DPP10: variants seen among roughly 807,000 people sequenced by gnomAD.
DPP10 encodes dipeptidyl peptidase like 10, also known as inactive dipeptidyl peptidase 10.
In DPP10, 33 loss-of-function variants were observed where a neutral mutation model predicts 120.9. The ratio of observed to expected loss-of-function variants is 0.27; its 90% CI spans 0.21 to 0.37. DPP10 has a LOEUF of 0.37. Ranked by LOEUF, DPP10 falls within the 10% of genes least tolerant of loss-of-function variation. DPP10 has a pLI of 1.00. For synonymous variants in DPP10, 337 were observed against 326.1 expected (o/e 1.03, Z -0.36); for missense variants, 816 against 942.8 (o/e 0.87, Z 1.76).
chr2:115,367,301 G>T (rs1264499813), intron 3 of DPP10, among the ~76,000 whole-genome samples: 1 of 151,914 alleles, frequency 6.6e-6, no homozygotes, highest in Admixed American at 6.6e-5. Flanking sequence ...ACATAGCCTG[G>T]TGGTCCAAAT....
intron 2 of DPP10, chr2:115,342,243 G>A (rs2063485368): frequency 1.2e-5 from 5 of 432,578 alleles, no homozygotes; most frequent in Non-Finnish European, 2.3e-5. Flanking sequence ...CTGTCACCCA[G>A]GCTGGAGTAT....
chr2:115,021,272 G>C (rs1014755340), intron 1 of DPP10, among the ~76,000 whole-genome samples: 2 of 151,990 alleles, frequency 1.3e-5, no homozygotes, highest in Non-Finnish European at 2.9e-5. Flanking sequence ...GATTATTAGT[G>C]AGATTAACCA....
At chr2:115,779,035 A>C (rs1367852504) in intron 15 of DPP10, among the ~76,000 whole-genome samples, 3 of 152,114 alleles carry the variant, frequency 2.0e-5, no homozygotes, top group African/African-American at 7.2e-5. Flanking sequence ...GCTTAGAGAG[A>C]TAGAAACACT....
chr2:115,239,808 C>A (rs965331946), intron 1 of DPP10, among the ~76,000 whole-genome samples: 1 of 152,036 alleles, frequency 6.6e-6, no homozygotes, highest in African/African-American at 2.4e-5. Context: ...TGTGTCCATG[C>A]GTTCTCATTG....
chr2:115,389,747 GA>G (rs1437303436), intron 3 of DPP10, among the ~76,000 whole-genome samples: 5 of 152,104 alleles, frequency 3.3e-5, no homozygotes, highest in Non-Finnish European at 5.9e-5. Flanking sequence ...AAACTCTTGA[GA>G]ACATACTCAC....
At chr2:115,511,731 C>CTTTTTT (rs61236857) in intron 4 of DPP10, among the ~76,000 whole-genome samples, 6 of 82,608 alleles carry the variant, frequency 7.3e-5, no homozygotes, top group Admixed American at 2.8e-4. Flanking sequence ...TCTTCTTCTT[C>CTTTTTT]TTTTTTTTTT....
chr2:115,094,113 C>T (rs1025033135), intron 1 of DPP10, among the ~76,000 whole-genome samples: 3 of 151,858 alleles, frequency 2.0e-5, no homozygotes, highest in Non-Finnish European at 2.9e-5. Context: ...ATGTGAGTGA[C>T]GGAGTTCAAG....
intron 1 of DPP10, among the ~76,000 whole-genome samples, chr2:114,854,448 T>C (rs1272223273): frequency 6.6e-6 from 1 of 152,144 alleles, no homozygotes; most frequent in African/African-American, 2.4e-5. Context: ...CCTGAGACTA[T>C]CCACTTTATA....
chr2:114,805,036 A>G (rs914687873), intron 1 of DPP10, among the ~76,000 whole-genome samples: 5 of 152,092 alleles, frequency 3.3e-5, no homozygotes, highest in African/African-American at 9.7e-5. Flanking sequence ...TTCCCGTGCT[A>G]TTCTCATAAT....
intron 3 of DPP10, among the ~76,000 whole-genome samples, chr2:115,347,482 C>A (rs1057188384): frequency 1.3e-5 from 2 of 151,998 alleles, no homozygotes; most frequent in African/African-American, 2.4e-5. Flanking sequence ...ATGCTAGTTT[C>A]TTTTATTATT....
chr2:115,451,686 A>T (rs1443387730), intron 3 of DPP10, among the ~76,000 whole-genome samples: 2 of 151,982 alleles, frequency 1.3e-5, no homozygotes, highest in East Asian at 3.8e-4. Flanking sequence ...TCATTCAACA[A>T]TGTTTGCATG....
intron 1 of DPP10, among the ~76,000 whole-genome samples, chr2:115,221,557 T>G (rs2057160568): frequency 6.6e-6 from 1 of 152,148 alleles, no homozygotes; most frequent in African/African-American, 2.4e-5. Context: ...ATTTACTATC[T>G]GGCCCTATAT....
intron 5 of DPP10, among the ~76,000 whole-genome samples, chr2:115,571,415 T>G (rs1397909362): frequency 6.6e-6 from 1 of 152,180 alleles, no homozygotes; most frequent in Admixed American, 6.5e-5. Context: ...CAGTTTCTAT[T>G]GTTGCCATTT....
intron 1 of DPP10, among the ~76,000 whole-genome samples, chr2:114,645,587 A>G (rs760785653): frequency 3.9e-5 from 6 of 152,044 alleles, no homozygotes; most frequent in Non-Finnish European, 8.8e-5. Context: ...CACTTTACAC[A>G]CTTTATTTTA....
At chr2:115,095,351 A>G (rs1709627141) in intron 1 of DPP10, among the ~76,000 whole-genome samples, 1 of 152,146 alleles carries the variant, frequency 6.6e-6, no homozygotes, top group Non-Finnish European at 1.5e-5. Context: ...ATCCCTGGTA[A>G]CAGGAGGAAG....
At chr2:115,736,624 G>A (rs957091057) in intron 8 of DPP10, among the ~76,000 whole-genome samples, 3 of 152,070 alleles carry the variant, frequency 2.0e-5, no homozygotes, top group Admixed American at 6.6e-5. Flanking sequence ...CTGTCTTGAT[G>A]GAAAGGTTTT....
At chr2:114,924,333 G>A (rs368514626) in intron 1 of DPP10, among the ~76,000 whole-genome samples, 67 of 152,106 alleles carry the variant, frequency 4.4e-4, no homozygotes, top group South Asian at 1.5e-3. Context: ...TTGAGACCAG[G>A]CTGGGCAACA....
intron 1 of DPP10, among the ~76,000 whole-genome samples, chr2:114,947,765 G>C (rs976171132): frequency 6.6e-5 from 10 of 151,954 alleles, no homozygotes; most frequent in Non-Finnish European, 1.2e-4. Flanking sequence ...AATTTTGATA[G>C]ATACACATTT....
intron 1 of DPP10, among the ~76,000 whole-genome samples, chr2:115,040,311 C>T (rs780192653): frequency 6.6e-5 from 10 of 151,856 alleles, no homozygotes; most frequent in Non-Finnish European, 1.0e-4. Context: ...AGTCCTTCTT[C>T]ATATCCTATT....
Sources: gnomAD v4.1 joint callset for allele counts (sites outside exome capture counted in the v4.1 genomes callset) on GRCh38, gnomAD v4.1.1 for gene constraint, MANE v1.5 for transcripts, NCBI Gene and HGNC (gene_info 2026-07-23, HGNC 2026-07-21) for gene names.